The following LDLRAD4 variants were observed in gnomAD, a reference collection of about 807,000 sequenced individuals.
LDLRAD4 encodes the protein low density lipoprotein receptor class A domain containing 4.
LDLRAD4 carries 5 observed loss-of-function variants against 17.0 expected under a neutral mutation model. The observed-to-expected ratio is 0.29, with a 90% confidence interval of 0.15 to 0.62. LDLRAD4 has a LOEUF of 0.62. Among genes scored for constraint, LDLRAD4 ranks in the 20% least tolerant of loss-of-function variants. The pLI is 0.84. For synonymous variants in LDLRAD4, 168 were observed against 171.8 expected (o/e 0.98, Z 0.17); for missense variants, 340 against 424.7 (o/e 0.80, Z 1.75).
intron 1 of LDLRAD4, among the ~76,000 whole-genome samples, chr18:13,248,735 A>G (rs145834881): frequency 8.5e-5 from 13 of 152,310 alleles, no homozygotes; most frequent in African/African-American, 3.1e-4. Context: ...CCATCATCTC[A>G]AACATTTGTC....
intron 1 of LDLRAD4, among the ~76,000 whole-genome samples, chr18:13,299,536 G>A (rs2046461707): frequency 6.6e-6 from 1 of 152,178 alleles, no homozygotes; most frequent in South Asian, 2.1e-4. Context: ...GACCAGGCTG[G>A]TGTGACACTT....
chr18:13,621,235 G>A lies in LDLRAD4; in HGVS notation c.300G>A (p.Pro100=), dbSNP rs774109329. Residue 100 remains proline, a synonymous_variant, in exon 4 of 6, where the codon CCG becomes CCA. Transcript: ENST00000359446. The surrounding 1 kb of genome is among the most constrained non-coding windows in gnomAD (Gnocchi z 5.5). ...CCACGCGGTCCTTCATCAACCGCCC[G>A]AACCAGAGCCGGAGGCGGGAGGACG... 8.0e-5 allele frequency: 129 copies of A among 1,613,594 alleles called. No homozygotes were observed. Among genetic ancestry groups the A allele is most frequent in the Middle Eastern group, 1.6e-4 (1 of 6,084 alleles).
intron 1 of LDLRAD4, among the ~76,000 whole-genome samples, chr18:13,343,769 A>G (rs1251782925): frequency 6.6e-6 from 1 of 152,220 alleles, no homozygotes; most frequent in East Asian, 1.9e-4. Flanking sequence ...TTTAATGATC[A>G]TCATTCTAAC....
At chr18:13,641,131 T>G (rs2042514759) in intron 4 of LDLRAD4, among the ~76,000 whole-genome samples, 1 of 152,194 alleles carries the variant, frequency 6.6e-6, no homozygotes, top group Non-Finnish European at 1.5e-5. Flanking sequence ...TTCTTAGTTG[T>G]GGGTGCTGTG....
intron 3 of LDLRAD4, among the ~76,000 whole-genome samples, chr18:13,447,250 G>A (rs868268738): frequency 2.0e-5 from 3 of 151,968 alleles, no homozygotes; most frequent in Non-Finnish European, 2.9e-5. Flanking sequence ...GGTTCGCCAC[G>A]GGATCAAGTT....
intron 3 of LDLRAD4, chr18:13,514,871 C>T (rs1785181): frequency 0.6 from 91,319 of 152,022 alleles, 28,647 homozygotes; most frequent in South Asian, 0.72. Flanking sequence ...CAAACCCACC[C>T]TACACTATTT....
rs530465237 is a variant in LDLRAD4 at position 13,449,017 on chromosome 18, G to A, written c.181+10633G>A. 1.4e-3 allele frequency among the ~76,000 whole-genome samples: 218 copies of A among 152,114 alleles called. 1 individual carries two copies. Among genetic ancestry groups the A allele is most frequent in the Non-Finnish European group, 2.8e-3 (190 of 68,014 alleles). ...TTTTTTCACTCCTTCATCCATTCTT[G>A]TTCTGTCCCAAGAGCTAATAACAGA... On this transcript the variant is annotated intron_variant, in intron 3 of 5. Coordinates refer to ENST00000359446, the Ensembl canonical transcript of LDLRAD4.
intron 3 of LDLRAD4, among the ~76,000 whole-genome samples, chr18:13,442,280 A>G (rs2091071874): frequency 6.6e-6 from 1 of 152,214 alleles, no homozygotes; most frequent in African/African-American, 2.4e-5. Flanking sequence ...CTGCACAAAG[A>G]TAACTAAAAA....
rs370759094 is a variant in LDLRAD4, at chr18:13,320,350, C to T, written c.-383+42162C>T. Among the ~76,000 whole-genome samples the T allele has an allele frequency of 2.5e-4, 38 of 152,320 alleles. No individual in the cohort carries two copies. In the South Asian group the frequency reaches 7.5e-3, roughly 30 times the overall value. On this transcript the variant is annotated intron_variant, in intron 1 of 5. Coordinates refer to ENST00000359446, the Ensembl canonical transcript of LDLRAD4. ...CCTTTTCTTTATTTTTACGTTTCCG[C>T]TGCCTCTCATCTAGGAAGGAGCCTT...
intron 3 of LDLRAD4, among the ~76,000 whole-genome samples, chr18:13,549,059 C>T (rs1054417270): frequency 3.9e-5 from 6 of 152,224 alleles, no homozygotes; most frequent in Admixed American, 1.3e-4. Context: ...AGTTGCATTT[C>T]GCTTTTGTCA....
intron 1 of LDLRAD4, among the ~76,000 whole-genome samples, chr18:13,318,387 G>A (rs1385280217): frequency 6.6e-6 from 1 of 151,950 alleles, no homozygotes; most frequent in African/African-American, 2.4e-5. Context: ...TCAGCCTCCT[G>A]AGTAGCTGGG....
intron 1 of LDLRAD4, among the ~76,000 whole-genome samples, chr18:13,354,738 C>G (rs1234107279): frequency 6.6e-6 from 1 of 152,180 alleles, no homozygotes; most frequent in East Asian, 1.9e-4. Context: ...AAATATATTC[C>G]AAAATCATTT....
intron 1 of LDLRAD4, among the ~76,000 whole-genome samples, chr18:13,292,600 C>T (rs761960822): frequency 2.0e-5 from 3 of 152,188 alleles, no homozygotes; most frequent in Non-Finnish European, 4.4e-5. Context: ...AAAACCTTTA[C>T]AAATCATGCC....
intron 1 of LDLRAD4, among the ~76,000 whole-genome samples, chr18:13,246,707 C>CA (rs988940430): frequency 1.3e-5 from 2 of 152,212 alleles, no homozygotes; most frequent in African/African-American, 4.8e-5. Flanking sequence ...CTCCAGAGAT[C>CA]AACTGTGGAG....
intron 2 of LDLRAD4, among the ~76,000 whole-genome samples, chr18:13,429,841 G>A (rs1419916985): frequency 6.6e-6 from 1 of 152,198 alleles, no homozygotes; most frequent in African/African-American, 2.4e-5. Flanking sequence ...GTTGTTCAGA[G>A]GAAAAATGAA....
At chr18:13,630,863 A>G (rs900018302) in intron 4 of LDLRAD4, among the ~76,000 whole-genome samples, 6 of 152,248 alleles carry the variant, frequency 3.9e-5, no homozygotes, top group Admixed American at 2.0e-4. Flanking sequence ...AGTTTTTGGA[A>G]TGCTGGCTGT....
Position 13,321,861 on chromosome 18 carries a change from C to CAAAAAAAAAAAAAAAAAAAA in LDLRAD4, c.-383+43695_-383+43714dup, listed in dbSNP as rs57033432. ...AGGCAACAACAGCGAGACTCCGTCT[C>CAAAAAAAAAAAAAAAAAAAA]AAAAAAAAAAAAAAAAAAAAAAAAA... On this transcript the variant is annotated intron_variant, in intron 1 of 5. Coordinates refer to ENST00000359446, the Ensembl canonical transcript of LDLRAD4. 4.3e-4 allele frequency among the ~76,000 whole-genome samples: 27 copies of CAAAAAAAAAAAAAAAAAAAA among 62,142 alleles called. 1 individual carries two copies. Among genetic ancestry groups the CAAAAAAAAAAAAAAAAAAAA allele is most frequent in the South Asian group, 1.0e-3 (1 of 956 alleles). 40.8% of individuals were successfully genotyped at this position (62,142 alleles called of 152,430 possible).
intron 3 of LDLRAD4, among the ~76,000 whole-genome samples, chr18:13,473,865 A>G (rs1302694404): frequency 1.3e-5 from 2 of 151,386 alleles, no homozygotes; most frequent in African/African-American, 4.9e-5. Context: ...AATAGGACCC[A>G]TGCTCTTGCT....
intron 1 of LDLRAD4, among the ~76,000 whole-genome samples, chr18:13,303,505 C>T (rs1043950977): frequency 1.3e-5 from 2 of 152,018 alleles, no homozygotes; most frequent in African/African-American, 4.8e-5. Context: ...TTCCTTCTTT[C>T]CTTTCTTGTA....
Sources: allele counts gnomAD v4.1 joint callset (sites outside exome capture counted in the v4.1 genomes callset), GRCh38; gene constraint gnomAD v4.1.1; non-coding constraint Gnocchi (gnomAD v3.1); transcripts MANE v1.5; gene names NCBI Gene and HGNC (gene_info 2026-07-23, HGNC 2026-07-21).